CUL4A: variants seen among roughly 807,000 people sequenced by gnomAD.
CUL4A encodes cullin-4A.
In CUL4A, 16 loss-of-function variants were observed where a neutral mutation model predicts 95.5. The ratio of observed to expected loss-of-function variants is 0.17; its 90% CI spans 0.11 to 0.25. The LOEUF (loss-of-function observed/expected upper bound fraction) is 0.25. Ranked by LOEUF, CUL4A falls within the 10% of genes least tolerant of loss-of-function variation. The probability of loss-of-function intolerance (pLI) is 1.00; values close to 1 mark genes in which losing one functional copy is unlikely to be tolerated. For missense variants in CUL4A, 610 were observed against 937.0 expected, an observed-to-expected ratio of 0.65 and a Z score of 4.56; for synonymous variants, 380 against 353.1, an observed-to-expected ratio of 1.08 and a Z score of -0.85.
chr13:113,247,224 C>T (rs769906085), intron 15 of CUL4A, among the ~76,000 whole-genome samples: 3 of 152,148 alleles, frequency 2.0e-5, no homozygotes, highest in African/African-American at 7.2e-5. Flanking sequence ...CACCAGGCCC[C>T]ACCTCCAGCA....
chr13:113,232,528 C>T (rs142582163), intron 5 of CUL4A, among the ~76,000 whole-genome samples: 472 of 152,338 alleles, frequency 3.1e-3, no homozygotes, highest in Non-Finnish European at 5.1e-3. Context: ...TACTTGGCCA[C>T]TGGGGACAGT....
Position 113,255,042 on chromosome 13 carries a change from G to A in CUL4A, c.1948G>A (p.Asp650Asn). 1.9e-6 allele frequency: 3 copies of A among 1,614,192 alleles called. No homozygotes were observed. Among genetic ancestry groups the A allele is most frequent in the East Asian group, 2.2e-5 (1 of 44,892 alleles). The change falls in exon 18 of 20, where the codon GAT becomes AAT. Residue 650 changes from aspartate (D) to asparagine (N), a missense_variant. By Grantham distance (23) the Asp-to-Asn change is conservative. Around this residue, in one of 10 missense-constraint regions of CUL4A, gnomAD observed 72 missense variants for 93.2 expected, o/e 0.77. Transcript: ENST00000375440. ...AAGTCCCAAAGGAAAGGAAGTGGAA[G>A]ATGGAGACAAGTTCATTTTTAATGG... ...IKSPKGKEVE[D>N]GDKFIFNGEF...
intron 7 of CUL4A, 24 bp downstream of exon 7, chr13:113,234,010 A>T: frequency 3.3e-6 from 5 of 1,502,022 alleles, no homozygotes; most frequent in Non-Finnish European, 3.7e-6. Context: ...ATGTTTCCGA[A>T]TCCCCTGGCT....
At chr13:113,259,771 A>T (rs1162899877) in intron 18 of CUL4A, among the ~76,000 whole-genome samples, 1 of 152,166 alleles carries the variant, frequency 6.6e-6, no homozygotes, top group South Asian at 2.1e-4. Context: ...CAGCTTTCTT[A>T]TAAGGAAAAT....
At chr13:113,263,453 T>C (rs4907602) in intron 19 of CUL4A, 34 bp from the exon 20 acceptor site, 1,369,815 of 1,375,724 alleles carry the variant, frequency 1, 682,133 homozygotes, top group East Asian at 1. Flanking sequence ...TTTAATGCCA[T>C]TGTAATTAGG....
intron 2 of CUL4A, among the ~76,000 whole-genome samples, chr13:113,212,699 C>A (rs531899639): frequency 8.5e-5 from 13 of 152,276 alleles, no homozygotes; most frequent in African/African-American, 2.9e-4. Context: ...GCCGGAGAAT[C>A]GCTTGAACCC....
intron 18 of CUL4A, among the ~76,000 whole-genome samples, chr13:113,258,973 G>A (rs1014808875): frequency 6.6e-6 from 1 of 152,174 alleles, no homozygotes; most frequent in Non-Finnish European, 1.5e-5. Flanking sequence ...AGCAAGACAG[G>A]CTAATGAAAT....
chr13:113,245,565 T>C (rs1396846474), intron 14 of CUL4A, among the ~76,000 whole-genome samples: 1 of 152,130 alleles, frequency 6.6e-6, no homozygotes, highest in Non-Finnish European at 1.5e-5. Flanking sequence ...GGTGGATAGA[T>C]AGATAATACA....
chr13:113,231,667 C>G (rs1193581170), intron 5 of CUL4A, among the ~76,000 whole-genome samples: 1 of 152,154 alleles, frequency 6.6e-6, no homozygotes, highest in African/African-American at 2.4e-5. Context: ...AGGAAAGGCA[C>G]AGAGACATTA....
At chr13:113,249,491 C>T (rs1169187800) in intron 15 of CUL4A, among the ~76,000 whole-genome samples, 2 of 152,236 alleles carry the variant, frequency 1.3e-5, no homozygotes, top group African/African-American at 4.8e-5. Flanking sequence ...CATCTGGTTT[C>T]TCCATTCACC....
rs186373205 is a variant in CUL4A, at chr13:113,229,060, G to A, written c.439-386G>A. Among the ~76,000 whole-genome samples the A allele has an allele frequency of 2.8e-4, 42 of 152,158 alleles. No homozygotes were observed. In the East Asian group the frequency reaches 4.8e-3, roughly 18 times the overall value. ...GGAGAATGGTGTGAACCCAGGAGGCGGAGCTTGCACATCACGCCACCGCAC... is the reference window on the plus strand; with the variant it reads ...GGAGAATGGTGTGAACCCAGGAGGCAGAGCTTGCACATCACGCCACCGCAC... On this transcript the variant is annotated intron_variant, in intron 4 of 19. Coordinates refer to ENST00000375440, the MANE Select transcript of CUL4A (RefSeq NM_001008895.4).
At chr13:113,220,111 G>C (rs1282674526) in intron 3 of CUL4A, among the ~76,000 whole-genome samples, 4 of 152,158 alleles carry the variant, frequency 2.6e-5, no homozygotes, top group Non-Finnish European at 1.5e-5. Context: ...GGAAACTTCT[G>C]CTCCCCCATC....
chr13:113,249,526 C>G (rs931205719), intron 15 of CUL4A, among the ~76,000 whole-genome samples: 1 of 152,206 alleles, frequency 6.6e-6, no homozygotes, highest in Non-Finnish European at 1.5e-5. Flanking sequence ...TGGGTTATTT[C>G]CACCTTTTGG....
chr13:113,251,759 T>G (rs2042000586), intron 15 of CUL4A, among the ~76,000 whole-genome samples: 1 of 152,202 alleles, frequency 6.6e-6, no homozygotes, highest in Non-Finnish European at 1.5e-5. Context: ...AAGCTACTTG[T>G]ACAGCCTGCA....
chr13:113,217,208 A>T (rs1275700251), intron 2 of CUL4A, among the ~76,000 whole-genome samples: 1 of 152,194 alleles, frequency 6.6e-6, no homozygotes, highest in African/African-American at 2.4e-5. Flanking sequence ...TGTTTGTGGG[A>T]TTCACTAATG....
chr13:113,234,393 A>C (rs947691571), intron 7 of CUL4A, among the ~76,000 whole-genome samples: 1 of 152,218 alleles, frequency 6.6e-6, no homozygotes, highest in African/African-American at 2.4e-5. Flanking sequence ...ATAGGAACCC[A>C]AAAAACTTAA....
chr13:113,235,173 C>T (rs374965489), intron 8 of CUL4A, 28 bp downstream of exon 8: 15 of 1,485,192 alleles, frequency 1.0e-5, no homozygotes, highest in East Asian at 4.5e-5. Flanking sequence ...GCTGAGCGTT[C>T]GTATCTTCAC....
chr13:113,246,026 C>T lies in CUL4A; in HGVS notation c.1601C>T (p.Pro534Leu). 1 of 1,613,852 alleles carries T rather than the reference C, an allele frequency of 6.2e-7. No homozygotes were observed. The highest frequency in any genetic ancestry group is 8.5e-7 in the Non-Finnish European group (1 of 1,180,006). ...AACATACTCACAATGGGCTACTGGC[C>T]AACATACACGCCCATGGAAGTGCAC... ...TVNILTMGYWPTYTPMEVHLT... is the reference protein window; with the variant it reads ...TVNILTMGYWLTYTPMEVHLT... The change falls in exon 15 of 20, where the codon CCA (proline) becomes CTA (leucine). Residue 534 changes from proline (P) to leucine (L), a missense_variant. Coordinates refer to ENST00000375440, the MANE Select transcript of CUL4A (RefSeq NM_001008895.4).
intron 15 of CUL4A, among the ~76,000 whole-genome samples, chr13:113,249,562 C>T (rs1379428410): frequency 6.6e-6 from 1 of 152,228 alleles, no homozygotes; most frequent in Non-Finnish European, 1.5e-5. Context: ...CTGCTATGAA[C>T]ATGGGTGTAC....
Sources: gnomAD v4.1 joint callset for allele counts (sites outside exome capture counted in the v4.1 genomes callset) on GRCh38, gnomAD v4.1.1 for gene constraint, gnomAD v4.1.1 regional missense constraint, MANE v1.5 for transcripts, NCBI Gene and HGNC (gene_info 2026-07-23, HGNC 2026-07-21) for gene names.